The following SLC24A3 variants were observed in gnomAD, a reference collection of about 807,000 sequenced individuals.
The protein encoded by SLC24A3 is solute carrier family 24 member 3.
Under a neutral mutation model 75.8 loss-of-function variants are expected in SLC24A3, and 28 were observed. That is an observed-to-expected ratio of 0.37 (90% CI 0.27 to 0.51). The LOEUF (loss-of-function observed/expected upper bound fraction) is 0.51. SLC24A3 is among the 20% of genes least tolerant of loss of function. SLC24A3 has a pLI of 0.94. For missense variants in SLC24A3, 663 were observed against 847.8 expected (o/e 0.78, Z 2.71); for synonymous variants, 372 against 334.1 (o/e 1.11, Z -1.24).
intron 1 of SLC24A3, among the ~76,000 whole-genome samples, chr20:19,249,329 T>G (rs1393148931): frequency 2.6e-5 from 4 of 152,204 alleles, no homozygotes; most frequent in Non-Finnish European, 4.4e-5. Context: ...GCTTCCAACA[T>G]CTTATCTTTT....
At chr20:19,638,246 C>A (rs1434709217) in intron 6 of SLC24A3, among the ~76,000 whole-genome samples, 2 of 151,804 alleles carry the variant, frequency 1.3e-5, no homozygotes. Flanking sequence ...ATAGATGATA[C>A]CAAAAGTAGA....
At chr20:19,402,514 G>A (rs1986570370) in intron 2 of SLC24A3, among the ~76,000 whole-genome samples, 1 of 152,116 alleles carries the variant, frequency 6.6e-6, no homozygotes, top group Non-Finnish European at 1.5e-5. Flanking sequence ...TCAACAAGAA[G>A]TAGAATTAGA....
chr20:19,304,370 ATGT>A (rs146668121), intron 2 of SLC24A3, among the ~76,000 whole-genome samples: 5,971 of 152,202 alleles, frequency 0.039, 384 homozygotes, highest in African/African-American at 0.14. Flanking sequence ...TTCAAAGCAG[ATGT>A]TGTTGATACC....
intron 1 of SLC24A3, among the ~76,000 whole-genome samples, chr20:19,276,179 C>A (rs1983481581): frequency 6.6e-6 from 1 of 152,176 alleles, no homozygotes; most frequent in Non-Finnish European, 1.5e-5. Context: ...TGCCCACCCT[C>A]TGCCCCTCCT....
At chr20:19,692,939 T>C (rs1328271506) in intron 12 of SLC24A3, among the ~76,000 whole-genome samples, 3 of 151,986 alleles carry the variant, frequency 2.0e-5, no homozygotes, top group African/African-American at 7.3e-5. Flanking sequence ...GACCTGAGTA[T>C]CCTCCTCTCT....
At chr20:19,215,391 T>C (rs1482572005) in intron 1 of SLC24A3, among the ~76,000 whole-genome samples, 1 of 152,214 alleles carries the variant, frequency 6.6e-6, no homozygotes, top group Non-Finnish European at 1.5e-5. Context: ...TGTTCCCTAC[T>C]CTGTCCTCAT....
intron 2 of SLC24A3, among the ~76,000 whole-genome samples, chr20:19,363,118 T>G (rs768816358): frequency 6.6e-5 from 10 of 152,350 alleles, no homozygotes; most frequent in Non-Finnish European, 1.0e-4. Context: ...CACGTCCTGC[T>G]GCTCGTCACT....
chr20:19,418,952 C>T (rs948820048), intron 2 of SLC24A3, among the ~76,000 whole-genome samples: 6 of 152,034 alleles, frequency 3.9e-5, no homozygotes, highest in East Asian at 1.9e-4. Flanking sequence ...TTTCAAACCA[C>T]GAGTCTATTA....
chr20:19,483,654 A>G (rs1359233502), intron 2 of SLC24A3, among the ~76,000 whole-genome samples: 1 of 152,174 alleles, frequency 6.6e-6, no homozygotes, highest in African/African-American at 2.4e-5. Context: ...GAAAAAAGCT[A>G]CTGGATCTAC....
chr20:19,702,444 C>T (rs978359407), intron 15 of SLC24A3, among the ~76,000 whole-genome samples: 4 of 152,114 alleles, frequency 2.6e-5, no homozygotes, highest in Admixed American at 2.6e-4. Context: ...AATTGAAGAT[C>T]TACTTTATCC....
chr20:19,684,241 C>G lies in SLC24A3; in HGVS notation c.967C>G (p.Leu323Val). 6.2e-7 allele frequency: 1 copy of G among 1,614,190 alleles called. No individual in the cohort carries two copies. Among genetic ancestry groups the G allele is most frequent in the Non-Finnish European group, 8.5e-7 (1 of 1,180,040 alleles). ...GCTGCTGTCAGCCTACCCACACCAGCTTTCCTTCTCTGAGGCTGGCCTTCG... is the reference window on the plus strand; with the variant it reads ...GCTGCTGTCAGCCTACCCACACCAGGTTTCCTTCTCTGAGGCTGGCCTTCG... ...DELLSAYPHQ[L>V]SFSEAGLRIM... The change falls in exon 11 of 17, where the codon CTT (leucine) becomes GTT (valine). Residue 323 changes from leucine to valine, a missense_variant. Coordinates refer to ENST00000328041, the MANE Select transcript of SLC24A3 (RefSeq NM_020689.4).
chr20:19,424,035 C>G (rs750772515), intron 2 of SLC24A3, among the ~76,000 whole-genome samples: 8 of 152,144 alleles, frequency 5.3e-5, no homozygotes, highest in Admixed American at 2.0e-4. Flanking sequence ...GGAGGAACCA[C>G]ATGAGCCATA....
chr20:19,338,246 G>A (rs757531011), intron 2 of SLC24A3, among the ~76,000 whole-genome samples: 4 of 152,208 alleles, frequency 2.6e-5, no homozygotes, highest in African/African-American at 4.8e-5. Context: ...GCTTTGGTCA[G>A]CAGAGCCTCT....
At chr20:19,560,813 A>G (rs1293929649) in intron 3 of SLC24A3, among the ~76,000 whole-genome samples, 1 of 152,176 alleles carries the variant, frequency 6.6e-6, no homozygotes, top group Non-Finnish European at 1.5e-5. Flanking sequence ...CTTCTGTTCC[A>G]TTAGTACATT....
chr20:19,291,100 C>T (rs1983931323), intron 2 of SLC24A3, among the ~76,000 whole-genome samples: 1 of 152,158 alleles, frequency 6.6e-6, no homozygotes, highest in African/African-American at 2.4e-5. Context: ...GCCACTCCCA[C>T]CCACTCAGAA....
At chr20:19,684,128 T>C (rs1222758102) in intron 10 of SLC24A3, 48 bp from the exon 11 acceptor site, 17 of 1,587,556 alleles carry the variant, frequency 1.1e-5, no homozygotes, top group African/African-American at 1.3e-5. Context: ...GCCTCTTTCC[T>C]GCTCCTGGCC....
At chr20:19,557,527 C>T (rs868666692) in intron 3 of SLC24A3, among the ~76,000 whole-genome samples, 1 of 152,094 alleles carries the variant, frequency 6.6e-6, no homozygotes, top group South Asian at 2.1e-4. Context: ...TCCAAAACCA[C>T]CCTAAGTGTG....
At chr20:19,656,764 G>A (rs1008035423) in intron 7 of SLC24A3, among the ~76,000 whole-genome samples, 1 of 152,194 alleles carries the variant, frequency 6.6e-6, no homozygotes, top group East Asian at 1.9e-4. Flanking sequence ...TGGGAGCACA[G>A]ACTTAACCAC....
intron 3 of SLC24A3, among the ~76,000 whole-genome samples, chr20:19,535,685 G>T (rs1277919967): frequency 6.6e-6 from 1 of 152,134 alleles, no homozygotes; most frequent in Non-Finnish European, 1.5e-5. Context: ...GAGAAGAACT[G>T]GGGTTATTTT....
Sources: gnomAD v4.1 joint callset for allele counts (sites outside exome capture counted in the v4.1 genomes callset) on GRCh38, gnomAD v4.1.1 for gene constraint, MANE v1.5 for transcripts, NCBI Gene and HGNC (gene_info 2026-07-23, HGNC 2026-07-21) for gene names.